The following DLC1 variants were observed in gnomAD, a reference collection of about 807,000 sequenced individuals.
DLC1 encodes the protein DLC1 Rho GTPase activating protein.
DLC1 carries 54 observed loss-of-function variants against 140.3 expected under a neutral mutation model. The observed-to-expected ratio is 0.38, with a 90% confidence interval of 0.31 to 0.48. DLC1 has a LOEUF of 0.48. DLC1 is among the 20% of genes least tolerant of loss of function. The pLI, the probability that DLC1 is intolerant of heterozygous loss-of-function variation, is 0.96. For missense variants in DLC1, 2,536 were observed against 1,907.0 expected, an observed-to-expected ratio of 1.33 and a Z score of -6.14; for synonymous variants, 986 against 728.1, an observed-to-expected ratio of 1.35 and a Z score of -5.70.
At chr8:13,380,744 C>A (rs548597696) in intron 4 of DLC1, among the ~76,000 whole-genome samples, 1 of 152,096 alleles carries the variant, frequency 6.6e-6, no homozygotes. Context: ...TGACCCAAAC[C>A]CTAAGGGGAC....
chr8:13,428,853 A>G (rs1838728848), intron 2 of DLC1, among the ~76,000 whole-genome samples: 1 of 152,228 alleles, frequency 6.6e-6, no homozygotes, highest in Non-Finnish European at 1.5e-5. Flanking sequence ...AATTCTTCAA[A>G]GAGTATTTAT....
In DLC1 at chr8:13,086,403, G is replaced by C; in HGVS notation, c.4353C>G (p.His1451Gln). 2 of 1,614,206 alleles carry C rather than the reference G, an allele frequency of 1.2e-6. No homozygotes were observed. Among genetic ancestry groups the C allele is most frequent in the Non-Finnish European group, 8.5e-7 (1 of 1,180,052 alleles). Residue 1451 changes from histidine to glutamine, a missense_variant, in exon 17 of 18, where the codon CAC becomes CAG. His to Gln is a conservative substitution (Grantham distance 24). Transcript: ENST00000276297. Reference sequence around the variant, plus strand: ...TCACACCCACCACAGGTGCGCGATCGTGATCCACAGAGGTTAGTAAAAGGG... The same window carrying C: ...TCACACCCACCACAGGTGCGCGATCCTGATCCACAGAGGTTAGTAAAAGGG... ...ACALLLTSVD[H>Q]DRAPVVGVRV... is the part of the protein sequence containing the mutation.
At chr8:13,166,474 G>A (rs1825117067) in intron 5 of DLC1, among the ~76,000 whole-genome samples, 1 of 152,070 alleles carries the variant, frequency 6.6e-6, no homozygotes, top group Non-Finnish European at 1.5e-5. Context: ...CCAAGTAGCT[G>A]GGATTACAGG....
intron 5 of DLC1, among the ~76,000 whole-genome samples, chr8:13,172,907 C>T (rs574040759): frequency 1.7e-4 from 26 of 152,308 alleles, no homozygotes; most frequent in East Asian, 7.7e-4. Flanking sequence ...CTCCATCTTT[C>T]TGTAGTTGAT....
chr8:13,570,926 C>G (rs1804631375), intron 1 of DLC1, among the ~76,000 whole-genome samples: 1 of 152,168 alleles, frequency 6.6e-6, no homozygotes, highest in Admixed American at 6.5e-5. Context: ...TAACTCTTTA[C>G]TTGCTGGGCC....
chr8:13,336,340 G>C (rs1833810072), intron 4 of DLC1, among the ~76,000 whole-genome samples: 1 of 152,178 alleles, frequency 6.6e-6, no homozygotes, highest in South Asian at 2.1e-4. Flanking sequence ...AAATTCTAAA[G>C]TATCAATATA....
chr8:13,283,822 G>A (rs1159963171), intron 5 of DLC1, among the ~76,000 whole-genome samples: 1 of 152,160 alleles, frequency 6.6e-6, no homozygotes, highest in Non-Finnish European at 1.5e-5. Flanking sequence ...GCGTAGCAGT[G>A]TTGAGGTGAC....
intron 1 of DLC1, among the ~76,000 whole-genome samples, chr8:13,511,934 C>T (rs1585228703): frequency 6.6e-6 from 1 of 152,054 alleles, no homozygotes; most frequent in Admixed American, 6.6e-5. Flanking sequence ...ATCTAAAACT[C>T]TATGAATAAG....
intron 4 of DLC1, among the ~76,000 whole-genome samples, chr8:13,321,990 T>C (rs929964256): frequency 2.0e-5 from 3 of 152,200 alleles, no homozygotes; most frequent in African/African-American, 7.2e-5. Flanking sequence ...ATAGATCCTC[T>C]ATTTGGAGAA....
At position 13,327,060 on chromosome 8, in the gene DLC1, C is replaced by T. The variant is rs368128007; in HGVS notation, c.1315-21758G>A. 2.8e-4 allele frequency among the ~76,000 whole-genome samples: 43 copies of T among 151,884 alleles called. 1 individual carries two copies. In the East Asian group the frequency reaches 6.8e-3, roughly 24 times the overall value. ...AGCTCCGCCTCCCAGGTTCATGCCA[C>T]TCTCCCGCCTCAGCCTCCTGAGTAG... On this transcript the variant is annotated intron_variant, in intron 4 of 17. Transcript: ENST00000276297.
At chr8:13,570,451 C>T (rs190324884) in intron 1 of DLC1, among the ~76,000 whole-genome samples, 8,013 of 121,366 alleles carry the variant, frequency 0.066, 459 homozygotes, top group Admixed American at 0.18. Context: ...CCCCCTCCCC[C>T]CACCCCACCA....
intron 5 of DLC1, among the ~76,000 whole-genome samples, chr8:13,167,774 G>A (rs1825204545): frequency 6.6e-6 from 1 of 152,154 alleles, no homozygotes; most frequent in Non-Finnish European, 1.5e-5. Context: ...CTTGCAAATG[G>A]CATTACCTGC....
chr8:13,133,977 G>A (rs1460452125), intron 5 of DLC1, among the ~76,000 whole-genome samples: 1 of 152,204 alleles, frequency 6.6e-6, no homozygotes. Context: ...GGCACGTGCT[G>A]GGGGTCACAG....
chr8:13,418,080 ATTTG>A (rs1273318858), intron 2 of DLC1, among the ~76,000 whole-genome samples: 2 of 151,940 alleles, frequency 1.3e-5, no homozygotes, highest in Non-Finnish European at 2.9e-5. Flanking sequence ...TTTCTTGTAA[ATTTG>A]TTTGAGTTCA....
Position 13,514,773 on chromosome 8 carries a change from C to T in DLC1, c.-297G>A, listed in dbSNP as rs1431369192. The T allele has an allele frequency of 1.0e-5, 4 of 397,014 alleles. No individual in the cohort carries two copies. The highest frequency in any genetic ancestry group is 8.2e-5 in the African/African-American group (4 of 48,592). The allele number at this position is 397,014 out of a possible 1,614,324, so 24.6% of individuals were successfully genotyped here. A position where few individuals can be genotyped will look rare whatever the true frequency, so the allele number is the denominator to read the frequency against. The stretch of plus-strand genomic sequence containing the variant: ...TGTGTGAGTCTAACAAAAACACCCT[C>T]TGCAGCTGGAGGGAGCCTTAGCTAA... On this transcript the variant is annotated 5_prime_UTR_variant, in exon 1 of 18. Transcript: ENST00000276297.
intron 4 of DLC1, among the ~76,000 whole-genome samples, chr8:13,332,238 G>A (rs183106628): frequency 3.9e-5 from 6 of 152,184 alleles, no homozygotes; most frequent in Admixed American, 6.5e-5. Context: ...CGAATAAAGC[G>A]TAATGAACAC....
chr8:13,291,792 A>T (rs1345326521), intron 5 of DLC1, among the ~76,000 whole-genome samples: 1 of 152,224 alleles, frequency 6.6e-6, no homozygotes, highest in Non-Finnish European at 1.5e-5. Context: ...TAAGGGTTAA[A>T]TAATTTCACT....
upstream of DLC1, chr8:13,514,890 T>G: frequency 2.7e-6 from 1 of 364,742 alleles, no homozygotes; most frequent in Non-Finnish European, 4.9e-6. Flanking sequence ...CAGGCCCAGA[T>G]TGCCTGGAAA....
At chr8:13,556,322 C>G (rs535283131) in intron 1 of DLC1, among the ~76,000 whole-genome samples, 2 of 152,146 alleles carry the variant, frequency 1.3e-5, no homozygotes, top group Non-Finnish European at 2.9e-5. Flanking sequence ...AGTGTGGCAT[C>G]TGTAACTTGG....
Sources: allele counts gnomAD v4.1 joint callset (sites outside exome capture counted in the v4.1 genomes callset), GRCh38; gene constraint gnomAD v4.1.1; transcripts MANE v1.5; gene names NCBI Gene and HGNC (gene_info 2026-07-23, HGNC 2026-07-21).